Variants in CNTNAP2 observed in about 807,000 individuals in gnomAD.
CNTNAP2 encodes contactin-associated protein-like 2.
In CNTNAP2, 98 loss-of-function variants were observed where a neutral mutation model predicts 155.2. The ratio of observed to expected loss-of-function variants is 0.63; its 90% CI spans 0.54 to 0.75. The LOEUF (loss-of-function observed/expected upper bound fraction) is 0.75, where lower values mean the gene tolerates loss of function less well. Among genes scored for constraint, CNTNAP2 ranks in the 30% least tolerant of loss-of-function variants. The probability of loss-of-function intolerance (pLI) is 0.00; values close to 1 mark genes in which losing one functional copy is unlikely to be tolerated. For synonymous variants in CNTNAP2, 651 were observed against 631.2 expected, an observed-to-expected ratio of 1.03 and a Z score of -0.47; for missense variants, 1,727 against 1,688.1, an observed-to-expected ratio of 1.02 and a Z score of -0.40.
chr7:148,272,417 G>A (rs1020373903), intron 21 of CNTNAP2, among the ~76,000 whole-genome samples: 1 of 152,134 alleles, frequency 6.6e-6, no homozygotes, highest in Non-Finnish European at 1.5e-5. Context: ...AGCCGAAAGT[G>A]GGGTGTTCTG....
intron 1 of CNTNAP2, among the ~76,000 whole-genome samples, chr7:146,470,467 G>A (rs1028567087): frequency 2.0e-5 from 3 of 152,086 alleles, no homozygotes; most frequent in African/African-American, 4.8e-5. Flanking sequence ...TCTCTGCCTG[G>A]TGGAGACTTG....
chr7:148,329,900 G>A (rs1797955862), intron 21 of CNTNAP2, among the ~76,000 whole-genome samples: 1 of 152,220 alleles, frequency 6.6e-6, no homozygotes. Context: ...GCTCCCCACT[G>A]CCACCATCAC....
At chr7:148,280,167 G>C (rs113061288) in intron 21 of CNTNAP2, among the ~76,000 whole-genome samples, 7 of 152,070 alleles carry the variant, frequency 4.6e-5, no homozygotes, top group Non-Finnish European at 8.8e-5. Flanking sequence ...AATTAGCCAG[G>C]CATGGTGGCC....
chr7:147,424,524 C>T (rs906356572), intron 10 of CNTNAP2, among the ~76,000 whole-genome samples: 1 of 152,076 alleles, frequency 6.6e-6, no homozygotes, highest in African/African-American at 2.4e-5. Flanking sequence ...CCTCGATTTT[C>T]TCATTTCCAA....
At chr7:148,093,997 A>G (rs1803908453) in intron 15 of CNTNAP2, among the ~76,000 whole-genome samples, 1 of 152,166 alleles carries the variant, frequency 6.6e-6, no homozygotes, top group Non-Finnish European at 1.5e-5. Context: ...AGCTCAAGCG[A>G]TCTGCCTGCC....
At chr7:146,312,361 A>G (rs1406094195) in intron 1 of CNTNAP2, among the ~76,000 whole-genome samples, 1 of 152,172 alleles carries the variant, frequency 6.6e-6, no homozygotes, top group Admixed American at 6.5e-5. Flanking sequence ...CTGGTAACAC[A>G]TATCTTTGCA....
intron 15 of CNTNAP2, among the ~76,000 whole-genome samples, chr7:148,094,162 TG>T (rs1307046080): frequency 1.2e-4 from 19 of 152,178 alleles, no homozygotes; most frequent in Non-Finnish European, 2.5e-4. Context: ...CTACTGCCCA[TG>T]GGGACTTGAA....
chr7:147,606,033 G>A (rs1033183734), intron 12 of CNTNAP2, among the ~76,000 whole-genome samples: 1 of 151,814 alleles, frequency 6.6e-6, no homozygotes, highest in East Asian at 1.9e-4. Context: ...TAACCCCCAG[G>A]CAAGCAAACC....
intron 9 of CNTNAP2, among the ~76,000 whole-genome samples, chr7:147,331,686 G>A (rs1026433416): frequency 3.9e-5 from 6 of 152,084 alleles, no homozygotes; most frequent in African/African-American, 1.4e-4. Flanking sequence ...GCCACCAGAG[G>A]AGAGAGAGAG....
At chr7:147,651,187 C>T (rs775059611) in intron 13 of CNTNAP2, among the ~76,000 whole-genome samples, 3 of 152,098 alleles carry the variant, frequency 2.0e-5, no homozygotes, top group Non-Finnish European at 2.9e-5. Context: ...CAAGGCAAGT[C>T]GGAAGCTGGG....
chr7:146,504,952 C>T (rs981781737), intron 1 of CNTNAP2, among the ~76,000 whole-genome samples: 1 of 152,112 alleles, frequency 6.6e-6, no homozygotes, highest in Non-Finnish European at 1.5e-5. Context: ...ACAACCACCC[C>T]ACGGTGACAT....
At chr7:146,472,963 G>A (rs1245813915) in intron 1 of CNTNAP2, among the ~76,000 whole-genome samples, 1 of 150,090 alleles carries the variant, frequency 6.7e-6, no homozygotes, top group African/African-American at 2.5e-5. Flanking sequence ...CAAATGATAA[G>A]TGTGCTTAAC....
chr7:146,212,965 C>T (rs538722918), intron 1 of CNTNAP2, among the ~76,000 whole-genome samples: 1 of 152,228 alleles, frequency 6.6e-6, no homozygotes, highest in South Asian at 2.1e-4. Flanking sequence ...AACAGTGTTC[C>T]TCATTGATTC....
At chr7:147,181,340 A>G (rs1802452782) in intron 8 of CNTNAP2, among the ~76,000 whole-genome samples, 1 of 152,220 alleles carries the variant, frequency 6.6e-6, no homozygotes, top group African/African-American at 2.4e-5. Context: ...CTCAGTGCAT[A>G]TTTTAAAGAT....
intron 1 of CNTNAP2, among the ~76,000 whole-genome samples, chr7:146,202,057 A>T (rs1199787216): frequency 6.6e-6 from 1 of 152,154 alleles, no homozygotes; most frequent in African/African-American, 2.4e-5. Flanking sequence ...TCTCATTTGT[A>T]TATAAAACAT....
intron 1 of CNTNAP2, among the ~76,000 whole-genome samples, chr7:146,282,544 A>G (rs1026675924): frequency 1.3e-5 from 2 of 152,204 alleles, no homozygotes; most frequent in Admixed American, 6.5e-5. Flanking sequence ...ATACTATTTC[A>G]TTTGATATTA....
At chr7:148,158,982 A>G (rs1805460621) in intron 17 of CNTNAP2, among the ~76,000 whole-genome samples, 1 of 152,246 alleles carries the variant, frequency 6.6e-6, no homozygotes, top group Admixed American at 6.5e-5. Context: ...AGATCCTCGC[A>G]GCCCCATAGT....
chr7:147,509,093 G>T (rs1051839410), intron 11 of CNTNAP2, among the ~76,000 whole-genome samples: 11 of 152,186 alleles, frequency 7.2e-5, no homozygotes, highest in African/African-American at 2.6e-4. Context: ...ATGCTATAAT[G>T]CTTTGTACAC....
chr7:147,019,368 A>T (rs1377676982), intron 3 of CNTNAP2, among the ~76,000 whole-genome samples: 1 of 152,036 alleles, frequency 6.6e-6, no homozygotes, highest in African/African-American at 2.4e-5. Context: ...ATGATATACG[A>T]CATTTTTCTC....
Sources: gnomAD v4.1 joint callset for allele counts (sites outside exome capture counted in the v4.1 genomes callset) on GRCh38, gnomAD v4.1.1 for gene constraint, MANE v1.5 for transcripts, NCBI Gene and HGNC (gene_info 2026-07-23, HGNC 2026-07-21) for gene names.